The following COL6A6 variants were observed in gnomAD, a reference collection of about 807,000 sequenced individuals.
COL6A6 encodes collagen type VI alpha 6 chain, also known as collagen alpha-6(VI) chain.
COL6A6 carries 183 observed loss-of-function variants against 208.6 expected under a neutral mutation model. That is an observed-to-expected ratio of 0.88 (90% CI 0.78 to 0.99). The LOEUF is 0.99. Ranked by LOEUF, COL6A6 falls within the 50% of genes least tolerant of loss-of-function variation. The probability of loss-of-function intolerance (pLI) is 0.00; values close to 1 mark genes in which losing one functional copy is unlikely to be tolerated. For synonymous variants in COL6A6, 973 were observed against 1,011.8 expected, an observed-to-expected ratio of 0.96 and a Z score of 0.73; for missense variants, 2,816 against 2,815.2, an observed-to-expected ratio of 1.00 and a Z score of -0.01.
At chr3:130,608,749 C>T (rs1333965247) in intron 21 of COL6A6, among the ~76,000 whole-genome samples, 153 bp from the exon 22 acceptor site, 1 of 90,630 alleles carries the variant, frequency 1.1e-5, no homozygotes, top group African/African-American at 4.5e-5. Flanking sequence ...TTTGTATTTG[C>T]ATTTATTTTT....
At chr3:130,596,129 AAC>A in intron 18 of COL6A6, among the ~76,000 whole-genome samples, 1 of 151,646 alleles carries the variant, frequency 6.6e-6, no homozygotes, top group South Asian at 2.1e-4. Flanking sequence ...TGTATTTAAA[AAC>A]AGAGGAATTT....
At chr3:130,608,840 C>A in intron 21 of COL6A6, 62 bp from the exon 22 acceptor site, 4 of 874,192 alleles carry the variant, frequency 4.6e-6, no homozygotes, top group Non-Finnish European at 6.4e-6. Context: ...TGTAAGCTTG[C>A]AGGTAAAGGA....
chr3:130,674,409 A>C (rs1022045850), intron 36 of COL6A6, among the ~76,000 whole-genome samples: 3 of 152,022 alleles, frequency 2.0e-5, no homozygotes, highest in African/African-American at 7.3e-5. Flanking sequence ...TGATTTCTCA[A>C]CCTGTCCTGC....
intron 1 of COL6A6, among the ~76,000 whole-genome samples, chr3:130,553,715 T>C (rs1267299200): frequency 6.6e-6 from 1 of 152,146 alleles, no homozygotes; most frequent in Admixed American, 6.5e-5. Flanking sequence ...CATTTGGAGG[T>C]AAGAAGACAC....
Position 130,651,117 on chromosome 3 carries a change from G to A in COL6A6, c.5733+1555G>A, listed in dbSNP as rs1235201994. On this transcript the variant is annotated intron_variant, in intron 33 of 36. Transcript: ENST00000358511. ...TGCAACACTGCATTAGTGCCAGTAC[G>A]TAGTGAGCAATCAAGAATGACAGCT... Among the ~76,000 whole-genome samples, 3 of 152,210 alleles carry A rather than the reference G, an allele frequency of 2.0e-5. No homozygotes were observed. The East Asian group carries it at 5.8e-4, about 29-fold the overall frequency.
At chr3:130,593,654 A>G (rs996898056) in intron 17 of COL6A6, among the ~76,000 whole-genome samples, 1 of 152,240 alleles carries the variant, frequency 6.6e-6, no homozygotes, top group Non-Finnish European at 1.5e-5. Flanking sequence ...GGCCAAATCA[A>G]TGCATATTGC....
chr3:130,532,422 A>AGG (rs1388737647), intron 1 of COL6A6, among the ~76,000 whole-genome samples: 2 of 152,214 alleles, frequency 1.3e-5, no homozygotes, highest in Non-Finnish European at 2.9e-5. Context: ...GTGTGAACAC[A>AGG]GGTCTACCCC....
chr3:130,576,171 G>A (rs1487487863), intron 8 of COL6A6, among the ~76,000 whole-genome samples: 1 of 152,092 alleles, frequency 6.6e-6, no homozygotes, highest in Admixed American at 6.5e-5. Flanking sequence ...TTGTAGGGAG[G>A]GCAATATTCC....
At position 130,622,595 on chromosome 3, in the gene COL6A6, C is replaced by T. The variant is rs548130037; in HGVS notation, c.4878+712C>T. Reference sequence around the variant, plus strand: ...ACTTTGAGCCGGGCGTGGTGGCTCACGCCTGTAATCCTAGCACTTTGGGAG... The same window carrying T: ...ACTTTGAGCCGGGCGTGGTGGCTCATGCCTGTAATCCTAGCACTTTGGGAG... On this transcript the variant is annotated intron_variant, in intron 24 of 36. Transcript: ENST00000358511. 4.6e-5 allele frequency among the ~76,000 whole-genome samples: 7 copies of T among 152,194 alleles called. No individual in the cohort carries two copies. The Middle Eastern group carries it at 0.021, about 447-fold the overall frequency.
chr3:130,593,601 A>G (rs1560040662), intron 17 of COL6A6, among the ~76,000 whole-genome samples: 2 of 152,192 alleles, frequency 1.3e-5, no homozygotes, highest in Non-Finnish European at 2.9e-5. Flanking sequence ...TCTTCTTCAG[A>G]CCTAGGGTCA....
At position 130,565,246 on chromosome 3, in the gene COL6A6, A is replaced by G; in HGVS notation, c.914A>G (p.Lys305Arg). ...CAGAACCTTTCTCCCCGAACTGGGA[A>G]GGCCTATACTGGAGCTGCCATCAAA... ...HIQNLSPRTG[K>R]AYTGAAIKKL... The change falls in exon 4 of 37, where the codon AAG (lysine) becomes AGG (arginine). Residue 305 changes from lysine to arginine, a missense_variant. By Grantham distance (26) the Lys-to-Arg change is conservative (BLOSUM62 2). Coordinates refer to ENST00000358511, the MANE Select transcript of COL6A6 (RefSeq NM_001102608.3). The G allele has an allele frequency of 1.2e-6, 2 of 1,614,030 alleles. No homozygotes were observed. Among genetic ancestry groups the G allele is most frequent in the Admixed American group, 1.7e-5 (1 of 60,032 alleles).
At chr3:130,667,094 G>A (rs1261912462) in intron 36 of COL6A6, among the ~76,000 whole-genome samples, 1 of 152,030 alleles carries the variant, frequency 6.6e-6, no homozygotes, top group African/African-American at 2.4e-5. Context: ...TTAAACAATA[G>A]TTTACTACAA....
At chr3:130,573,130 C>T (rs912585013) in intron 7 of COL6A6, among the ~76,000 whole-genome samples, 2 of 152,212 alleles carry the variant, frequency 1.3e-5, no homozygotes, top group Non-Finnish European at 2.9e-5. Flanking sequence ...GACCAAAAGG[C>T]ATCCTTTTAA....
rs777364136 is a variant in COL6A6 at position 130,634,623 on chromosome 3, A to G, written c.5026A>G (p.Lys1676Glu). Residue 1676 changes from lysine (K) to glutamate (E), a missense_variant and splice_region_variant, in exon 27 of 37, where the codon AAG becomes GAG. By Grantham distance (56) the Lys-to-Glu change is moderately conservative. Coordinates refer to ENST00000358511, the MANE Select transcript of COL6A6 (RefSeq NM_001102608.3). ...AGGATTCCCTGGAGAAAGTGGACCTAAGGTACCGTGTGCTTCCTAGTAACT... is the reference window on the plus strand; with the variant it reads ...AGGATTCCCTGGAGAAAGTGGACCTGAGGTACCGTGTGCTTCCTAGTAACT... ...QEGFPGESGPKGEIGDPGGPG... is the reference protein window; with the variant it reads ...QEGFPGESGPEGEIGDPGGPG... The G allele has an allele frequency of 6.2e-7, 1 of 1,606,960 alleles. No homozygotes were observed. Among genetic ancestry groups the G allele is most frequent in the South Asian group, 1.1e-5 (1 of 89,174 alleles).
chr3:130,571,521 C>G, intron 7 of COL6A6, 128 bp downstream of exon 7: 1 of 631,618 alleles, frequency 1.6e-6, no homozygotes, highest in Non-Finnish European at 2.6e-6. Context: ...TTTCATAGGA[C>G]TTTCTATATT....
intron 12 of COL6A6, among the ~76,000 whole-genome samples, chr3:130,590,278 TATATATATATATATA>T (rs1560034479): frequency 9.3e-5 from 2 of 21,444 alleles, no homozygotes; most frequent in African/African-American, 1.9e-4. Context: ...TATATATATA[TATATATATATATATA>T]TATATATTTT....
intron 8 of COL6A6, among the ~76,000 whole-genome samples, chr3:130,580,976 A>G (rs1015424269): frequency 2.7e-5 from 4 of 150,736 alleles, no homozygotes; most frequent in Non-Finnish European, 5.9e-5. Context: ...ACCAAGCAAG[A>G]TCTCAAAGGA....
chr3:130,531,907 GTT>G (rs1308695505), intron 1 of COL6A6, among the ~76,000 whole-genome samples: 1 of 152,138 alleles, frequency 6.6e-6, no homozygotes, highest in Non-Finnish European at 1.5e-5. Flanking sequence ...CTGTATATGT[GTT>G]TTCCTCAAAG....
rs397991099 is a variant in COL6A6 at position 130,551,131 on chromosome 3, C to CCTG, written c.-31-9203_-31-9202insCTG. Among the ~76,000 whole-genome samples, 5 of 21,866 alleles carry CCTG rather than the reference C, an allele frequency of 2.3e-4. No homozygotes were observed. The Non-Finnish European group carries it at 2.6e-3, about 11-fold the overall frequency. The allele number at this position is 21,866 out of a possible 152,430, so 14.3% of individuals were successfully genotyped here. On this transcript the variant is annotated intron_variant, in intron 1 of 36. Transcript: ENST00000358511. ...TCTTGGCCTGAAGCTTTTTTTTTTTCTGTGTGTGTGTATGTCTTTCAGGTT... is the reference window on the plus strand; with the variant it reads ...TCTTGGCCTGAAGCTTTTTTTTTTTCCTGTGTGTGTGTGTATGTCTTTCAGGTT...
Sources: gnomAD v4.1 joint callset for allele counts (sites outside exome capture counted in the v4.1 genomes callset) on GRCh38, gnomAD v4.1.1 for gene constraint, MANE v1.5 for transcripts, NCBI Gene and HGNC (gene_info 2026-07-23, HGNC 2026-07-21) for gene names.